The following FBN1 variants were observed in gnomAD, a reference collection of about 807,000 sequenced individuals.
FBN1 encodes the protein fibrillin-1.
FBN1 carries 29 observed loss-of-function variants against 365.1 expected under a neutral mutation model. The ratio of observed to expected loss-of-function variants is 0.08; its 90% confidence interval spans 0.06 to 0.11. FBN1 has a LOEUF of 0.11. FBN1 is among the 10% of genes least tolerant of loss of function. The pLI, the probability that FBN1 is intolerant of heterozygous loss-of-function variation, is 1.00. For synonymous variants in FBN1, 1,210 were observed against 1,270.5 expected (o/e 0.95, Z 1.01); for missense variants, 2,476 against 3,703.2 (o/e 0.67, Z 8.60).
intron 6 of FBN1, among the ~76,000 whole-genome samples, chr15:48,586,104 A>G (rs2044433399): frequency 6.6e-6 from 1 of 152,376 alleles, no homozygotes; most frequent in African/African-American, 2.4e-5. Context: ...ATGAGTACAT[A>G]TCCCCAGAGA....
chr15:48,618,920 T>C (rs374585938), intron 2 of FBN1, among the ~76,000 whole-genome samples: 7 of 152,184 alleles, frequency 4.6e-5, no homozygotes, highest in African/African-American at 1.7e-4. Flanking sequence ...CACCACCAGA[T>C]GGGATCCTCT....
At chr15:48,624,218 A>G (rs957131768) in intron 2 of FBN1, among the ~76,000 whole-genome samples, 7 of 152,224 alleles carry the variant, frequency 4.6e-5, no homozygotes, top group Non-Finnish European at 1.0e-4. Flanking sequence ...AGATGTTTAA[A>G]GTACATCATG....
At chr15:48,629,014 T>A (rs1889937343) in intron 2 of FBN1, among the ~76,000 whole-genome samples, 1 of 152,180 alleles carries the variant, frequency 6.6e-6, no homozygotes, top group Non-Finnish European at 1.5e-5. Context: ...TGGAATGCAG[T>A]CATCACTGGA....
intron 53 of FBN1, among the ~76,000 whole-genome samples, chr15:48,435,772 A>ATATATGTGTGTATATATATGTATGTG (rs1555395092): frequency 8.5e-5 from 9 of 106,344 alleles, no homozygotes; most frequent in African/African-American, 3.9e-4. Context: ...ATATGTGTAT[A>ATATATGTGTGTATATATATGTATGTG]TGTGTGTGTG....
At chr15:48,561,680 T>C (rs2044223215) in intron 6 of FBN1, among the ~76,000 whole-genome samples, 1 of 152,218 alleles carries the variant, frequency 6.6e-6, no homozygotes, top group South Asian at 2.1e-4. Context: ...AACCTTCAGA[T>C]GAAAATTTTC....
In FBN1 at chr15:48,448,440, C is replaced by T. The variant is rs2043175213; in HGVS notation, c.5671+328G>A. 1.3e-5 allele frequency among the ~76,000 whole-genome samples: 2 copies of T among 152,068 alleles called. 1 individual carries two copies. Among genetic ancestry groups the T allele is most frequent in the South Asian group, 4.1e-4 (2 of 4,822 alleles). On this transcript the variant is annotated intron_variant, in intron 46 of 65. Transcript: ENST00000316623. The stretch of plus-strand genomic sequence containing the variant: ...CTTCCAAAAAAATGGTCATCTCACA[C>T]TCAAAAACTCAAAAGAAAATCCACA...
intron 36 of FBN1, among the ~76,000 whole-genome samples, chr15:48,469,631 T>C: frequency 6.6e-6 from 1 of 152,168 alleles, no homozygotes; most frequent in East Asian, 1.9e-4. Context: ...CTGGCAACCC[T>C]CCTGCGGGTT....
chr15:48,615,083 C>T (rs1455296771), intron 2 of FBN1, among the ~76,000 whole-genome samples: 1 of 152,066 alleles, frequency 6.6e-6, no homozygotes, highest in Non-Finnish European at 1.5e-5. Flanking sequence ...ACGCACAAAC[C>T]TTCCAAACTT....
At chr15:48,419,426 C>G (rs1165488628) in intron 63 of FBN1, among the ~76,000 whole-genome samples, 1 of 152,086 alleles carries the variant, frequency 6.6e-6, no homozygotes, top group Non-Finnish European at 1.5e-5. Context: ...AACAGACAGG[C>G]TCATAAACTG....
chr15:48,450,099 G>A (rs1039125461), intron 45 of FBN1, among the ~76,000 whole-genome samples: 6 of 152,200 alleles, frequency 3.9e-5, no homozygotes, highest in Non-Finnish European at 8.8e-5. Flanking sequence ...AACAAATTAT[G>A]ATTATTCCCT....
In FBN1 at chr15:48,644,861, CGGG is replaced by C; in HGVS notation, c.-95_-93del. On this transcript the variant is annotated 5_prime_UTR_variant, in exon 2 of 66. Transcript: ENST00000316623. ...TGCGCCCTGAAGCGCACCGCGCCGC[CGGG>C]GTCCCGCTATCCCGCCGCCCGTCCC... 1 of 1,245,360 alleles carries C rather than the reference CGGG, an allele frequency of 8.0e-7. No homozygotes were observed. Among genetic ancestry groups the C allele is most frequent in the Non-Finnish European group, 1.0e-6 (1 of 980,714 alleles). 77.1% of individuals were successfully genotyped at this position (1,245,360 alleles called of 1,614,324 possible).
intron 6 of FBN1, among the ~76,000 whole-genome samples, chr15:48,565,599 T>C (rs1268072698): frequency 6.7e-6 from 1 of 150,222 alleles, no homozygotes; most frequent in Non-Finnish European, 1.5e-5. Context: ...ACAGTAAGTA[T>C]ATTATTTAAA....
chr15:48,475,169 C>A (rs1468638282), intron 32 of FBN1, among the ~76,000 whole-genome samples: 1 of 152,030 alleles, frequency 6.6e-6, no homozygotes, highest in Non-Finnish European at 1.5e-5. Flanking sequence ...TTTATTTCTA[C>A]AAAAGCTTTC....
At chr15:48,563,046 G>C (rs993608681) in intron 6 of FBN1, among the ~76,000 whole-genome samples, 5 of 152,150 alleles carry the variant, frequency 3.3e-5, no homozygotes, top group Non-Finnish European at 7.4e-5. Flanking sequence ...ATAGATACAT[G>C]AGAGACAGTG....
At chr15:48,447,673 A>C (rs1175515400) in intron 46 of FBN1, among the ~76,000 whole-genome samples, 1 of 152,104 alleles carries the variant, frequency 6.6e-6, no homozygotes, top group African/African-American at 2.4e-5. Flanking sequence ...AATGAGAGAG[A>C]GAGAGAGTGG....
chr15:48,516,010 A>G (rs992978146), intron 11 of FBN1, among the ~76,000 whole-genome samples, 173 bp downstream of exon 11: 13 of 152,240 alleles, frequency 8.5e-5, no homozygotes, highest in Admixed American at 3.9e-4. Flanking sequence ...TCTCTATGCA[A>G]TAGGAAAATT....
Position 48,411,063 on chromosome 15 carries a change from T to A in FBN1, c.8543A>T (p.Lys2848Ile), listed in dbSNP as rs765839151. The A allele has an allele frequency of 6.2e-7, 1 of 1,613,966 alleles. No individual in the cohort carries two copies. The highest frequency in any genetic ancestry group is 8.5e-7 in the Non-Finnish European group (1 of 1,179,956). ...KKKELNQLED[K>I]YDKDYLSGEL... ...ACCACTGAGGTAGTCTTTGTCATAT[T>A]TGTCTTCTAGTTGGTTAAGTTCTTT... Residue 2848 changes from lysine to isoleucine, a missense_variant, in exon 66 of 66, where the codon AAA (lysine) becomes ATA (isoleucine). Lys to Ile is a moderately radical substitution (Grantham distance 102). Transcript: ENST00000316623.
chr15:48,435,774 G>GTGTGTATATATATGTATA (rs1566895698), intron 53 of FBN1, among the ~76,000 whole-genome samples: 52 of 35,912 alleles, frequency 1.4e-3, no homozygotes, highest in South Asian at 4.2e-3. Context: ...ATGTGTATAT[G>GTGTGTATATATATGTATA]TGTGTGTGTG....
intron 53 of FBN1, among the ~76,000 whole-genome samples, chr15:48,435,451 T>TATAAA (rs1217116602): frequency 1.7e-4 from 26 of 152,022 alleles, no homozygotes; most frequent in Non-Finnish European, 5.9e-5. Flanking sequence ...TTTTGCCAGA[T>TATAAA]ATAAAATAAA....
Sources: allele counts gnomAD v4.1 joint callset (sites outside exome capture counted in the v4.1 genomes callset), GRCh38; gene constraint gnomAD v4.1.1; transcripts MANE v1.5; gene names NCBI Gene and HGNC (gene_info 2026-07-23, HGNC 2026-07-21).